Variants in NOS2 observed in about 807,000 individuals in gnomAD.
NOS2 encodes the protein nitric oxide synthase, inducible.
NOS2 carries 96 observed loss-of-function variants against 136.0 expected under a neutral mutation model. The observed-to-expected ratio is 0.71, with a 90% CI of 0.60 to 0.84. NOS2 has a LOEUF of 0.84. Among genes scored for constraint, NOS2 ranks in the 40% least tolerant of loss-of-function variants. NOS2 has a pLI of 0.00. For missense variants in NOS2, 1,237 were observed against 1,496.9 expected (o/e 0.83, Z 2.87); for synonymous variants, 539 against 587.5 (o/e 0.92, Z 1.20).
Position 27,767,384 on chromosome 17 carries a change from C to T in NOS2, c.2167+321G>A, listed in dbSNP as rs28944170. Among the ~76,000 whole-genome samples, 648 of 152,332 alleles carry T rather than the reference C, an allele frequency of 4.3e-3. 4 individuals are homozygous for T. Among genetic ancestry groups the T allele is most frequent in the African/African-American group, 0.015 (631 of 41,574 alleles). On this transcript the variant is annotated intron_variant, in intron 18 of 26. Coordinates refer to ENST00000313735, the MANE Select transcript of NOS2 (RefSeq NM_000625.4). ...TCACCTCCTTGAACTGCAATTTCTC[C>T]ATCTGTGCCTTTCTCCCAGGAGGAG...
chr17:27,763,850 G>A, intron 21 of NOS2, 131 bp downstream of exon 21: 1 of 684,984 alleles, frequency 1.5e-6, no homozygotes, highest in Non-Finnish European at 2.4e-6. Context: ...CTTCCCACCA[G>A]CCTTTGACAA....
chr17:27,761,432 G>A (rs886332090), intron 22 of NOS2, among the ~76,000 whole-genome samples: 8 of 152,154 alleles, frequency 5.3e-5, no homozygotes, highest in African/African-American at 1.9e-4. Context: ...GGGACTTAGA[G>A]AGGCTGCAAG....
intron 15 of NOS2, among the ~76,000 whole-genome samples, chr17:27,770,555 A>G (rs1257016873): frequency 2.0e-5 from 3 of 152,254 alleles, no homozygotes; most frequent in Non-Finnish European, 4.4e-5. Flanking sequence ...AACAAAGAGC[A>G]GGCCTTGGCC....
Position 27,767,757 on chromosome 17 carries a change from G to T in NOS2, c.2115C>A (p.Asp705Glu). The T allele has an allele frequency of 6.2e-7, 1 of 1,613,480 alleles. No homozygotes were observed. ...PKLYTSNVTW[D>E]PHHYRLVQDS... ...CCTGCACGAGCCTGTAGTGGTGCGG[G>T]TCCCAGGTCACATTGGAGGTGTAGA... The change falls in exon 18 of 27, where the codon GAC becomes GAA. Residue 705 changes from aspartate to glutamate, a missense_variant. Physicochemically the swap from Asp to Glu is conservative, Grantham distance 45. Around this residue, in one of 3 missense-constraint regions of NOS2, gnomAD observed 782 missense variants for 909.9 expected, o/e 0.86. Transcript: ENST00000313735.
rs1265168053 is a variant in NOS2, at chr17:27,760,516, G to A, written c.3010+107C>T. ...CCGCACAGGGAAGCAAACTTGGGAG[G>A]CCTTCCCTCGAGAGAGGTCAGGAAC... On this transcript the variant is annotated intron_variant, in intron 24 of 26. Transcript: ENST00000313735. 10 of 1,444,322 alleles carry A rather than the reference G, an allele frequency of 6.9e-6. No individual in the cohort carries two copies. In the South Asian group the frequency reaches 1.2e-4, roughly 18 times the overall value. The allele number at this position is 1,444,322 out of a possible 1,614,324, so 89.5% of individuals were successfully genotyped here.
At chr17:27,795,664 T>C (rs1368879789) in intron 2 of NOS2, among the ~76,000 whole-genome samples, 1 of 152,226 alleles carries the variant, frequency 6.6e-6, no homozygotes, top group Non-Finnish European at 1.5e-5. Flanking sequence ...TCTTGAAAAT[T>C]ACTTTAACTT....
chr17:27,773,495 T>C (rs1440410395), intron 12 of NOS2, among the ~76,000 whole-genome samples: 2 of 152,170 alleles, frequency 1.3e-5, no homozygotes, highest in Admixed American at 1.3e-4. Flanking sequence ...CTCATTAGTG[T>C]CCTCCTGGAA....
intron 2 of NOS2, among the ~76,000 whole-genome samples, chr17:27,796,799 G>C (rs1353102761): frequency 1.3e-5 from 2 of 151,444 alleles, no homozygotes; most frequent in African/African-American, 4.9e-5. Flanking sequence ...AGAAGGAAGG[G>C]GCGAAGCCAC....
intron 16 of NOS2, 49 bp from the exon 17 acceptor site, chr17:27,769,200 G>A (rs1555538946): frequency 1.3e-6 from 2 of 1,538,570 alleles, no homozygotes; most frequent in African/African-American, 1.4e-5. Context: ...AGCAGCACCT[G>A]GCACCCAGCA....
At chr17:27,781,648 A>G (rs1908851863) in intron 7 of NOS2, among the ~76,000 whole-genome samples, 2 of 152,214 alleles carry the variant, frequency 1.3e-5, no homozygotes, top group Admixed American at 1.3e-4. Flanking sequence ...TGAGCTGTTC[A>G]GTCCTATTAG....
intron 19 of NOS2, 134 bp downstream of exon 19, chr17:27,766,376 C>T: frequency 3.7e-6 from 3 of 821,158 alleles, no homozygotes; most frequent in Non-Finnish European, 6.1e-6. Flanking sequence ...TGGGCCGGTC[C>T]TACCGACAGT....
intron 25 of NOS2, 28 bp from the exon 26 acceptor site, chr17:27,759,103 G>A (rs1908026768): frequency 2.6e-6 from 4 of 1,516,578 alleles, no homozygotes; most frequent in Admixed American, 4.0e-5. Context: ...AGTGGGTTCA[G>A]TCCTCAGCTG....
chr17:27,792,808 A>C (rs796523614), intron 2 of NOS2, among the ~76,000 whole-genome samples: 26 of 93,700 alleles, frequency 2.8e-4, no homozygotes, highest in African/African-American at 1.1e-3. Flanking sequence ...GTGAAACCCT[A>C]TCTCTACAAA....
At chr17:27,779,115 T>C in intron 9 of NOS2, 59 bp from the exon 10 acceptor site, 1 of 903,336 alleles carries the variant, frequency 1.1e-6, no homozygotes, top group East Asian at 4.0e-5. Context: ...TTTATTATTA[T>C]TTTTTTTTTA....
Position 27,782,995 on chromosome 17 carries a change from G to C in NOS2, c.579C>G (p.Ala193=), listed in dbSNP as rs1263986313. 4.3e-6 allele frequency: 7 copies of C among 1,614,092 alleles called. No homozygotes were observed. In the South Asian group the frequency reaches 6.6e-5, roughly 15 times the overall value. The part of the protein sequence containing the change: ...GDELIFATKQ[A]WRNAPRCIGR... ...CAATGCAGCGTGGGGCATTGCGCCA[G>C]GCCTGCTTGGTGGCGAAGATGAGCT... Residue 193 remains alanine, a synonymous_variant, in exon 6 of 27, where the codon GCC becomes GCG. Coordinates refer to ENST00000313735, the MANE Select transcript of NOS2 (RefSeq NM_000625.4).
intron 26 of NOS2, 31 bp from the exon 27 acceptor site, chr17:27,757,384 A>AAGTCCAGGCTGGGATGAGCCC: frequency 6.2e-7 from 1 of 1,604,556 alleles, no homozygotes; most frequent in Admixed American, 1.7e-5. Flanking sequence ...GCAACGTGTC[A>AAGTCCAGGCTGGGATGAGCCC]AGTCCAGGCT....
At chr17:27,799,808 A>AAAGGG (rs1406283825) in intron 1 of NOS2, among the ~76,000 whole-genome samples, 1 of 151,442 alleles carries the variant, frequency 6.6e-6, no homozygotes, top group Non-Finnish European at 1.5e-5. Flanking sequence ...AAAAAGAAAG[A>AAAGGG]AAGGGAAGGG....
rs554927968 is a variant in NOS2, at chr17:27,757,363, A to G, written c.3355-10T>C. On this transcript the variant is annotated splice_polypyrimidine_tract_variant and intron_variant, in intron 26 of 26. Coordinates refer to ENST00000313735, the MANE Select transcript of NOS2 (RefSeq NM_000625.4). Reference sequence around the variant, plus strand: ...GATAGCGCTTCTGGCTCTTTTAGGTAAAAACAGAGAGCAACGTGTCAAGTC... The same window carrying G: ...GATAGCGCTTCTGGCTCTTTTAGGTGAAAACAGAGAGCAACGTGTCAAGTC... The G allele has an allele frequency of 5.0e-6, 8 of 1,612,880 alleles. No individual in the cohort carries two copies. The Admixed American group carries it at 1.0e-4, about 20-fold the overall frequency.
chr17:27,759,152 G>T, intron 25 of NOS2, 77 bp from the exon 26 acceptor site: 1 of 1,088,720 alleles, frequency 9.2e-7, no homozygotes, highest in Non-Finnish European at 1.3e-6. Context: ...CTGGCCTCAA[G>T]GAGGCGGGGA....
Sources: allele counts gnomAD v4.1 joint callset (sites outside exome capture counted in the v4.1 genomes callset), GRCh38; gene constraint gnomAD v4.1.1; regional missense constraint gnomAD v4.1.1; transcripts MANE v1.5; gene names NCBI Gene and HGNC (gene_info 2026-07-23, HGNC 2026-07-21).